OGFOD1: variants seen among roughly 807,000 people sequenced by gnomAD.
The protein encoded by OGFOD1 is 2-oxoglutarate and iron dependent oxygenase domain containing 1.
OGFOD1 carries 54 observed loss-of-function variants against 67.7 expected under a neutral mutation model. The observed-to-expected ratio is 0.80, with a 90% confidence interval of 0.64 to 1.00. The LOEUF is 1.00. Among genes scored for constraint, OGFOD1 ranks in the 50% least tolerant of loss-of-function variants. OGFOD1 has a pLI of 0.00. For missense variants in OGFOD1, 606 were observed against 646.7 expected, an observed-to-expected ratio of 0.94 and a Z score of 0.68; for synonymous variants, 221 against 227.0, an observed-to-expected ratio of 0.97 and a Z score of 0.24.
chr16:56,454,856 G>A (rs2143967850), intron 2 of OGFOD1: 1 of 389,838 alleles, frequency 2.6e-6, no homozygotes, highest in South Asian at 1.8e-5. Context: ...GAATTAACCA[G>A]GATAAATACA....
intron 4 of OGFOD1, among the ~76,000 whole-genome samples, chr16:56,464,533 A>G (rs865818255): frequency 1.3e-4 from 20 of 152,304 alleles, no homozygotes; most frequent in African/African-American, 4.8e-4. Context: ...ATTCCACTCT[A>G]GAGAAGACCT....
Position 56,477,504 on chromosome 16 carries a change from TTC to T in OGFOD1, c.*1301_*1302del, listed in dbSNP as rs1963536468. ...AAATGATTTTAGCCTCACGTGTTGC[TTC>T]TGTTTTCCTAAATACTGTAGGGTCA... On this transcript the variant is annotated 3_prime_UTR_variant, in exon 13 of 13. Coordinates refer to ENST00000566157, the MANE Select transcript of OGFOD1 (RefSeq NM_018233.4). 6.6e-6 allele frequency: 1 copy of T among 152,266 alleles called. No individual in the cohort carries two copies. The highest frequency in any genetic ancestry group is 2.4e-5 in the African/African-American group (1 of 41,466). 9.4% of individuals were successfully genotyped at this position (152,266 alleles called of 1,614,324 possible).
intron 10 of OGFOD1, 31 bp downstream of exon 10, chr16:56,470,822 AC>A: frequency 1.3e-6 from 2 of 1,514,140 alleles, no homozygotes; most frequent in Non-Finnish European, 1.8e-6. Flanking sequence ...GTCCTTACTT[AC>A]CATTAACCAT....
Position 56,451,761 on chromosome 16 carries a change from G to A in OGFOD1, c.149G>A (p.Ser50Asn), listed in dbSNP as rs1962344496. The A allele has an allele frequency of 6.2e-7, 1 of 1,612,350 alleles. No homozygotes were observed. Among genetic ancestry groups the A allele is most frequent in the South Asian group, 1.1e-5 (1 of 91,014 alleles). The part of the protein sequence containing the change: ...AEAWSRRTPF[S>N]HEVIVMDMDP... ...GCCTGGAGCCGCAGGACGCCGTTCA[G>A]TCACGGTAACCGGGTGCTCTCAGGG... Residue 50 changes from serine (S) to asparagine (N), a missense_variant, in exon 1 of 13, where the codon AGT becomes AAT. Coordinates refer to ENST00000566157, the MANE Select transcript of OGFOD1 (RefSeq NM_018233.4).
In OGFOD1 at chr16:56,451,728, T is replaced by A. The variant is rs778903100; in HGVS notation, c.116T>A (p.Val39Glu). 1 of 1,613,492 alleles carries A rather than the reference T, an allele frequency of 6.2e-7. No individual in the cohort carries two copies. Among genetic ancestry groups the A allele is most frequent in the Non-Finnish European group, 8.5e-7 (1 of 1,179,914 alleles). Reference protein sequence around the residue: ...AVTEETLKKQVAEAWSRRTPF... With the variant: ...AVTEETLKKQEAEAWSRRTPF... ...ACGGAAGAAACCTTGAAAAAGCAGG[T>A]GGCTGAGGCCTGGAGCCGCAGGACG... The change falls in exon 1 of 13, where the codon GTG becomes GAG. Residue 39 changes from valine to glutamate, a missense_variant. Physicochemically the swap from Val to Glu is moderately radical, Grantham distance 121. Coordinates refer to ENST00000566157, the MANE Select transcript of OGFOD1 (RefSeq NM_018233.4).
chr16:56,470,402 G>A (rs1963110630), intron 9 of OGFOD1, 85 bp from the exon 10 acceptor site: 1 of 1,232,444 alleles, frequency 8.1e-7, no homozygotes, highest in South Asian at 1.5e-5. Context: ...AGGAAGAGAG[G>A]TACAAAGCTA....
chr16:56,461,676 A>C (rs1226163019), intron 3 of OGFOD1, among the ~76,000 whole-genome samples: 2 of 152,152 alleles, frequency 1.3e-5, no homozygotes, highest in African/African-American at 4.8e-5. Flanking sequence ...AACCTTTATT[A>C]ATGCCTGGTA....
chr16:56,459,481 G>A (rs1268509160), intron 3 of OGFOD1, among the ~76,000 whole-genome samples: 2 of 151,854 alleles, frequency 1.3e-5, no homozygotes, highest in African/African-American at 4.8e-5. Context: ...AAACATAATA[G>A]TACAAAACAT....
Position 56,470,503 on chromosome 16 carries a change from G to A in OGFOD1, c.997G>A (p.Glu333Lys). 1.2e-6 allele frequency: 2 copies of A among 1,610,272 alleles called. No homozygotes were observed. The highest frequency in any genetic ancestry group is 1.7e-6 in the Non-Finnish European group (2 of 1,178,620). Residue 333 changes from glutamate to lysine, a missense_variant, in exon 10 of 13, where the codon GAG (glutamate) becomes AAG (lysine). Transcript: ENST00000566157. ...PPNKRFYEKAEESKLPEILKE... is the reference protein window; with the variant it reads ...PPNKRFYEKAKESKLPEILKE... The stretch of plus-strand genomic sequence containing the variant: ...GTTTTTCAGGTTTTATGAGAAAGCT[G>A]AGGAGAGTAAGCTTCCTGAGATATT...
Position 56,476,027 on chromosome 16 carries a change from G to C in OGFOD1, c.1468-17G>C. ...AAGTTCTGTGTTCTGATGTGTCACT[G>C]TATTTGTCTTTTTCAGCTGCTAACA... On this transcript the variant is annotated splice_polypyrimidine_tract_variant and intron_variant, in intron 12 of 12. Coordinates refer to ENST00000566157, the MANE Select transcript of OGFOD1 (RefSeq NM_018233.4). 1 of 1,603,902 alleles carries C rather than the reference G, an allele frequency of 6.2e-7. No homozygotes were observed. Among genetic ancestry groups the C allele is most frequent in the Non-Finnish European group, 8.5e-7 (1 of 1,174,850 alleles).
intron 2 of OGFOD1, among the ~76,000 whole-genome samples, chr16:56,453,985 T>C (rs909798795): frequency 6.6e-6 from 1 of 152,056 alleles, no homozygotes; most frequent in Non-Finnish European, 1.5e-5. Context: ...AACAAAGGGG[T>C]TAAGTACATG....
chr16:56,457,061 G>A lies in OGFOD1; in HGVS notation c.301-1487G>A, dbSNP rs75170232. 1.7e-3 allele frequency among the ~76,000 whole-genome samples: 260 copies of A among 152,262 alleles called. 1 individual carries two copies. The highest frequency in any genetic ancestry group is 6.2e-3 in the African/African-American group (257 of 41,536). ...TGCTTAGACAGTCACTGAAGTCATT[G>A]TATTCTTTTAAAATGTAAATAGACC... On this transcript the variant is annotated intron_variant, in intron 2 of 12. Transcript: ENST00000566157.
rs891495457 is a variant in OGFOD1 at position 56,478,921 on chromosome 16, A to C, written c.*2716A>C. 3 of 152,232 alleles carry C rather than the reference A, an allele frequency of 2.0e-5. No homozygotes were observed. Among genetic ancestry groups the C allele is most frequent in the African/African-American group, 7.2e-5 (3 of 41,452 alleles). 9.4% of individuals were successfully genotyped at this position (152,232 alleles called of 1,614,324 possible). ...GTAACTTAAAAGATTGTGTTTCTGC[A>C]CTGAAGATAGATACACAGTGATAGT... On this transcript the variant is annotated 3_prime_UTR_variant, in exon 13 of 13. Transcript: ENST00000566157.
chr16:56,463,276 C>T (rs1364780737), intron 4 of OGFOD1, among the ~76,000 whole-genome samples: 4 of 151,256 alleles, frequency 2.6e-5, no homozygotes, highest in African/African-American at 9.7e-5. Context: ...CTCTCATACA[C>T]TGTCCTGGAA....
At chr16:56,464,921 G>A (rs1962844951) in intron 4 of OGFOD1, among the ~76,000 whole-genome samples, 2 of 151,836 alleles carry the variant, frequency 1.3e-5, no homozygotes, top group African/African-American at 4.8e-5. Context: ...GACCCCTTCA[G>A]TTTGAAGAGG....
At position 56,453,424 on chromosome 16, in the gene OGFOD1, C is replaced by G. The variant is rs1445646783; in HGVS notation, c.300+16C>G. 6.2e-7 allele frequency: 1 copy of G among 1,604,716 alleles called. No homozygotes were observed. Among genetic ancestry groups the G allele is most frequent in the Non-Finnish European group, 8.5e-7 (1 of 1,175,480 alleles). On this transcript the variant is annotated intron_variant, in intron 2 of 12. Coordinates refer to ENST00000566157, the MANE Select transcript of OGFOD1 (RefSeq NM_018233.4). The stretch of plus-strand genomic sequence containing the variant: ...GTTCCAGCAGGTATTTATTCCCCTG[C>G]CACATTAACTCTTCCAGCTTGGAAA...
intron 3 of OGFOD1, chr16:56,458,908 A>T: frequency 2.8e-6 from 1 of 351,868 alleles, no homozygotes; most frequent in Non-Finnish European, 5.3e-6. Flanking sequence ...AATATTAAAA[A>T]TAAAAACCCT....
chr16:56,453,543 T>C, intron 2 of OGFOD1, 135 bp downstream of exon 2: 1 of 773,372 alleles, frequency 1.3e-6, no homozygotes, highest in Non-Finnish European at 2.1e-6. Flanking sequence ...CTTAAGAGCA[T>C]GCCTTCATTT....
chr16:56,475,541 C>T lies in OGFOD1; in HGVS notation c.1443C>T (p.Tyr481=), dbSNP rs1159269281. Residue 481 remains tyrosine, a synonymous_variant, in exon 12 of 13, where the codon TAC becomes TAT. Transcript: ENST00000566157. ...CAGAATATGGCGGTTTTACTTCTTACATTGCCAAAGGTGAAGATGAAGAGG... is the reference window on the plus strand; with the variant it reads ...CAGAATATGGCGGTTTTACTTCTTATATTGCCAAAGGTGAAGATGAAGAGG... ...WEPEYGGFTS[Y]IAKGEDEELL... 1.9e-6 allele frequency: 3 copies of T among 1,613,974 alleles called. No individual in the cohort carries two copies. In the Admixed American group the frequency reaches 5.0e-5, roughly 27 times the overall value.
Sources: gnomAD v4.1 joint callset for allele counts (sites outside exome capture counted in the v4.1 genomes callset) on GRCh38, gnomAD v4.1.1 for gene constraint, MANE v1.5 for transcripts, NCBI Gene and HGNC (gene_info 2026-07-23, HGNC 2026-07-21) for gene names.